The following DMD variants were observed in gnomAD, a reference collection of about 807,000 sequenced individuals.
The protein encoded by DMD is dystrophin.
DMD carries 63 observed loss-of-function variants against 330.1 expected under a neutral mutation model. That is an observed-to-expected ratio of 0.19 (90% confidence interval 0.16 to 0.24). The LOEUF is 0.24. DMD is among the 10% of genes least tolerant of loss of function. The pLI is 1.00. For synonymous variants in DMD, 1,223 were observed against 959.8 expected, an observed-to-expected ratio of 1.27 and a Z score of -5.07; for missense variants, 3,344 against 2,684.1, an observed-to-expected ratio of 1.25 and a Z score of -5.43.
chrX:31,132,103 C>T (rs999870118), intron 77 of DMD, among the ~76,000 whole-genome samples: 2 of 112,211 alleles, frequency 1.8e-5, no homozygotes, highest in Middle Eastern at 4.6e-3. Context: ...AGGCTTCCTT[C>T]TCCCACATTT....
intron 2 of DMD, among the ~76,000 whole-genome samples, chrX:32,863,259 G>A (rs948427660): frequency 9.1e-6 from 1 of 110,105 alleles, no homozygotes; most frequent in African/African-American, 3.3e-5. Flanking sequence ...GCTCATGCCT[G>A]TAACCCCAGT....
chrX:32,979,140 A>C (rs2092635940), intron 2 of DMD, among the ~76,000 whole-genome samples: 1 of 112,265 alleles, frequency 8.9e-6, no homozygotes, highest in Non-Finnish European at 1.9e-5. Flanking sequence ...TCTTATTTTT[A>C]ATCTCCATTA....
intron 1 of DMD, among the ~76,000 whole-genome samples, chrX:33,094,807 CAAAA>C (rs199716276): frequency 1.7e-5 from 1 of 60,085 alleles, no homozygotes. Context: ...GACTCCATCT[CAAAA>C]AAAAAAAAAA....
At chrX:31,967,404 CT>C (rs1236541427) in intron 45 of DMD, among the ~76,000 whole-genome samples, 5 of 103,052 alleles carry the variant, frequency 4.9e-5, no homozygotes, top group Admixed American at 2.2e-4. Context: ...ATTGTATCTA[CT>C]TTCTGAATAA....
chrX:31,911,548 T>G (rs765215477), intron 47 of DMD, among the ~76,000 whole-genome samples: 7 of 111,211 alleles, frequency 6.3e-5, no homozygotes, highest in Admixed American at 1.9e-4. Flanking sequence ...TTATTTTATG[T>G]TTATTTTAGA....
intron 51 of DMD, among the ~76,000 whole-genome samples, chrX:31,773,254 T>C (rs777988216): frequency 3.6e-5 from 4 of 112,150 alleles, no homozygotes; most frequent in Non-Finnish European, 7.5e-5. Context: ...AAAAGATATA[T>C]AGTATATTTG....
chrX:31,952,791 T>C (rs935966238), intron 45 of DMD, among the ~76,000 whole-genome samples: 1 of 112,002 alleles, frequency 8.9e-6, no homozygotes, highest in African/African-American at 3.2e-5. Context: ...AAATTTGACA[T>C]TTTAAATAAC....
chrX:33,338,245 T>A (rs1257701670), intron 1 of DMD, among the ~76,000 whole-genome samples: 1 of 111,031 alleles, frequency 9.0e-6, no homozygotes, highest in Admixed American at 9.6e-5. Flanking sequence ...ATAGAAACGA[T>A]GCATAGTTTA....
At position 31,153,074 on chromosome X, in the gene DMD, T is replaced by A. The variant is rs151138873; in HGVS notation, c.10554-5556A>T. 2.7e-3 allele frequency among the ~76,000 whole-genome samples: 300 copies of A among 111,883 alleles called. 2 individuals carry two copies. Among genetic ancestry groups the A allele is most frequent in the African/African-American group, 9.2e-3 (284 of 30,755 alleles). ...GCTTCTCCCAGCCATACCCAGGGGC[T>A]TAGAGTTTAGAGCCACATCTGTTGG... On this transcript the variant is annotated intron_variant, in intron 74 of 78. Transcript: ENST00000357033.
At chrX:32,369,584 C>T (rs2097865648) in intron 34 of DMD, among the ~76,000 whole-genome samples, 1 of 110,976 alleles carries the variant, frequency 9.0e-6, no homozygotes, top group Admixed American at 9.6e-5. Flanking sequence ...AACACCTTTA[C>T]AAACATTTCC....
rs369210089 is a variant in DMD at position 32,701,999 on chromosome X, A to T, written c.650-2706T>A. Among the ~76,000 whole-genome samples, 58 of 112,016 alleles carry T rather than the reference A, an allele frequency of 5.2e-4. No homozygotes were observed. In the East Asian group the frequency reaches 0.015, roughly 29 times the overall value. ...AGATTATGTGGAATTCAAAACTGCC[A>T]GTAGGTAGAAATAAGTAATTTTTGA... On this transcript the variant is annotated intron_variant, in intron 7 of 78. Transcript: ENST00000357033.
At chrX:31,408,059 T>G (rs1280204327) in intron 60 of DMD, among the ~76,000 whole-genome samples, 2 of 112,466 alleles carry the variant, frequency 1.8e-5, no homozygotes, top group Non-Finnish European at 3.8e-5. Flanking sequence ...CCTGCAATCA[T>G]TCATATATGA....
intron 44 of DMD, among the ~76,000 whole-genome samples, chrX:32,186,184 GT>G (rs1161953148): frequency 9.1e-6 from 1 of 109,869 alleles, no homozygotes; most frequent in Non-Finnish European, 1.9e-5. Flanking sequence ...TATTATTGTT[GT>G]TTTCTTCCAT....
intron 44 of DMD, among the ~76,000 whole-genome samples, chrX:32,179,786 T>C (rs73458017): frequency 0.045 from 5,038 of 111,362 alleles, 321 homozygotes; most frequent in African/African-American, 0.15. Context: ...GCTGTCCTTA[T>C]GGCAGTGAAT....
intron 44 of DMD, among the ~76,000 whole-genome samples, chrX:32,027,164 G>GCACACACA (rs757441503): frequency 3.0e-3 from 269 of 89,502 alleles, no homozygotes; most frequent in African/African-American, 0.011. Flanking sequence ...ACACGCACGT[G>GCACACACA]CACACACACA....
At chrX:33,175,950 A>G (rs1302483960) in intron 1 of DMD, among the ~76,000 whole-genome samples, 1 of 111,713 alleles carries the variant, frequency 9.0e-6, no homozygotes, top group Non-Finnish European at 1.9e-5. Context: ...AGGGGCCAGG[A>G]ATTTTTCCAT....
At chrX:32,070,069 A>T (rs1019077051) in intron 44 of DMD, among the ~76,000 whole-genome samples, 1 of 111,248 alleles carries the variant, frequency 9.0e-6, no homozygotes. Context: ...CTTGATCTAG[A>T]TTCAAGCATG....
At chrX:33,204,214 C>G (rs755493118) in intron 1 of DMD, among the ~76,000 whole-genome samples, 256 of 111,778 alleles carry the variant, frequency 2.3e-3, no homozygotes, top group African/African-American at 7.8e-3. Flanking sequence ...GTCCATTGAT[C>G]TTAGTATAAA....
chrX:33,019,380 A>G (rs1273967509), intron 2 of DMD, among the ~76,000 whole-genome samples: 1 of 111,696 alleles, frequency 9.0e-6, no homozygotes, highest in Admixed American at 9.6e-5. Flanking sequence ...TAAGCAATCA[A>G]TATATACATA....
Sources: gnomAD v4.1 joint callset for allele counts (sites outside exome capture counted in the v4.1 genomes callset) on GRCh38, gnomAD v4.1.1 for gene constraint, MANE v1.5 for transcripts, NCBI Gene and HGNC (gene_info 2026-07-23, HGNC 2026-07-21) for gene names.